The following CAD variants were observed in gnomAD, a reference collection of about 807,000 sequenced individuals.
CAD encodes carbamoyl-phosphate synthetase 2, aspartate transcarbamylase, and dihydroorotase, also known as multifunctional protein CAD.
Under a neutral mutation model 237.2 loss-of-function variants are expected in CAD, and 81 were observed. That is an observed-to-expected ratio of 0.34 (90% confidence interval 0.29 to 0.41). CAD has a LOEUF of 0.41. Ranked by LOEUF, CAD falls within the 10% of genes least tolerant of loss-of-function variation. The pLI is 1.00. For synonymous variants in CAD, 1,196 were observed against 1,162.8 expected (o/e 1.03, Z -0.58); for missense variants, 2,181 against 2,951.7 (o/e 0.74, Z 6.05).
At chr2:27,223,430 CAAA>C (rs71834349) in intron 6 of CAD, 130 bp from the exon 7 acceptor site, 923 of 621,812 alleles carry the variant, frequency 1.5e-3, no homozygotes, top group South Asian at 3.5e-3. Context: ...GACTCCGTCT[CAAA>C]AAAAAAAAAA....
intron 15 of CAD, among the ~76,000 whole-genome samples, chr2:27,229,229 G>A (rs775776088): frequency 5.9e-5 from 9 of 151,502 alleles, no homozygotes; most frequent in South Asian, 2.1e-4. Flanking sequence ...ACCCTGTCTC[G>A]TTAAAAAAGA....
chr2:27,234,488 A>C, intron 22 of CAD, 30 bp from the exon 23 acceptor site: 1 of 1,608,706 alleles, frequency 6.2e-7, no homozygotes, highest in Non-Finnish European at 8.5e-7. Context: ...GCCAACCTGC[A>C]GAAGGCCTGA....
chr2:27,219,463 C>A (rs184033718), intron 2 of CAD, among the ~76,000 whole-genome samples: 1 of 152,232 alleles, frequency 6.6e-6, no homozygotes, highest in African/African-American at 2.4e-5. Flanking sequence ...CCACCTCAAC[C>A]CCCCAAGTAG....
At chr2:27,223,471 A>G (rs1675282083) in intron 6 of CAD, 92 bp from the exon 7 acceptor site, 1 of 1,121,574 alleles carries the variant, frequency 8.9e-7, no homozygotes, top group African/African-American at 1.6e-5. Flanking sequence ...GAGTGAGGCT[A>G]CTGAGAACAG....
In CAD at chr2:27,235,687, G is replaced by T; in HGVS notation, c.4074+47G>T. 6.6e-7 allele frequency: 1 copy of T among 1,519,618 alleles called. No homozygotes were observed. Among genetic ancestry groups the T allele is most frequent in the South Asian group, 1.1e-5 (1 of 88,744 alleles). 94.1% of individuals were successfully genotyped at this position (1,519,618 alleles called of 1,614,324 possible). ...ACCCCACTGCTGCCCTTCCCCAAGG[G>T]GGTGAAAATACTGCACCAAAGAATT... is the stretch of plus-strand genomic sequence containing the variant. On this transcript the variant is annotated intron_variant, in intron 25 of 43. Coordinates refer to ENST00000264705, the MANE Select transcript of CAD (RefSeq NM_004341.5). This position sits in a 1 kb window ranked among gnomAD's most constrained non-coding sequence, Gnocchi z 5.2.
Position 27,235,989 on chromosome 2 carries a change from C to A in CAD, c.4075-295C>A. The stretch of plus-strand genomic sequence containing the variant: ...ATACACAGGAAGCAAAGAGAAAAGT[C>A]TCTTAAAATCTCTGTACCACTGTTC... On this transcript the variant is annotated intron_variant, in intron 25 of 43. Coordinates refer to ENST00000264705, the MANE Select transcript of CAD (RefSeq NM_004341.5). The surrounding 1 kb of genome is among the most constrained non-coding windows in gnomAD (Gnocchi z 5.2). 1 of 500,628 alleles carries A rather than the reference C, an allele frequency of 2.0e-6. No homozygotes were observed. 31.0% of individuals were successfully genotyped at this position (500,628 alleles called of 1,614,324 possible).
Position 27,222,993 on chromosome 2 carries a change from C to T in CAD, c.765C>T (p.His255=). 2 of 1,614,190 alleles carry T rather than the reference C, an allele frequency of 1.2e-6. No individual in the cohort carries two copies. Among genetic ancestry groups the T allele is most frequent in the Non-Finnish European group, 1.7e-6 (2 of 1,180,028 alleles). The change falls in exon 6 of 44, where the codon CAC becomes CAT. Residue 255 remains histidine, a synonymous_variant. Coordinates refer to ENST00000264705, the MANE Select transcript of CAD (RefSeq NM_004341.5). ...CTGTCTTTGGGATCTGCCTGGGACACCAGCTATTGGCCTTAGCCATTGGGG... is the reference window on the plus strand; with the variant it reads ...CTGTCTTTGGGATCTGCCTGGGACATCAGCTATTGGCCTTAGCCATTGGGG... ...PRPVFGICLG[H]QLLALAIGAK...
In CAD at chr2:27,235,203, C is replaced by T; in HGVS notation, c.3787-42C>T. 6.5e-7 allele frequency: 1 copy of T among 1,540,320 alleles called. No homozygotes were observed. The highest frequency in any genetic ancestry group is 8.8e-7 in the Non-Finnish European group (1 of 1,135,544). Reference sequence around the variant, plus strand: ...GTCTCTGCTGGTGAGGGAGGAGGTCCTCTCACACCTTGGCCCTCTCTCTTC... The same window carrying T: ...GTCTCTGCTGGTGAGGGAGGAGGTCTTCTCACACCTTGGCCCTCTCTCTTC... On this transcript the variant is annotated intron_variant, in intron 23 of 43. Coordinates refer to ENST00000264705, the MANE Select transcript of CAD (RefSeq NM_004341.5). This position sits in a 1 kb window ranked among gnomAD's most constrained non-coding sequence, Gnocchi z 5.2.
At chr2:27,228,153 G>T (rs1675533944) in intron 15 of CAD, among the ~76,000 whole-genome samples, 1 of 152,120 alleles carries the variant, frequency 6.6e-6, no homozygotes, top group Non-Finnish European at 1.5e-5. Flanking sequence ...AAATACTTAA[G>T]CCCCTAGAGT....
At chr2:27,218,157 C>A (rs1360486544) in intron 2 of CAD, 141 bp downstream of exon 2, 3 of 697,080 alleles carry the variant, frequency 4.3e-6, no homozygotes, top group Non-Finnish European at 6.8e-6. Flanking sequence ...GGACTAAGAT[C>A]ACTAGTAACT....
In CAD at chr2:27,224,717, G is replaced by A. The variant is rs190822986; in HGVS notation, c.1255-28G>A. On this transcript the variant is annotated intron_variant, in intron 9 of 43. Transcript: ENST00000264705. The stretch of plus-strand genomic sequence containing the variant: ...TTTGCAATTTTGCTTCTTCAGCAGA[G>A]GCTGAGATGCCATTCTTGTCCTTTT... The A allele has an allele frequency of 7.7e-5, 124 of 1,614,142 alleles. No homozygotes were observed. The African/African-American group carries it at 1.5e-3, about 20-fold the overall frequency.
At position 27,226,872 on chromosome 2, in the gene CAD, G is replaced by A. The variant is rs746384341; in HGVS notation, c.2197G>A (p.Val733Met). 1.4e-5 allele frequency: 22 copies of A among 1,614,170 alleles called. No individual in the cohort carries two copies. The East Asian group carries it at 4.0e-4, about 29-fold the overall frequency. The change falls in exon 15 of 44, where the codon GTG (valine) becomes ATG (methionine). Residue 733 changes from valine to methionine, a missense_variant. Val to Met is a conservative substitution (Grantham distance 21). This residue lies in a region of CAD where 385 missense variants were observed against 535.1 expected (regional missense o/e 0.72). Transcript: ENST00000264705. Reference protein sequence around the residue: ...TGGTAAFEPSVDYCVVKIPRW... With the variant: ...TGGTAAFEPSMDYCVVKIPRW... Reference sequence around the variant, plus strand: ...GGGTACAGCAGCCTTTGAACCCAGCGTGGATTATTGTGTGGTGAAGATTCC... The same window carrying A: ...GGGTACAGCAGCCTTTGAACCCAGCATGGATTATTGTGTGGTGAAGATTCC...
chr2:27,227,466 C>A (rs1675494924), intron 15 of CAD: 1 of 153,476 alleles, frequency 6.5e-6, no homozygotes, highest in South Asian at 2.0e-4. Flanking sequence ...ACAGCGCCAC[C>A]AGCCTGATGG....
chr2:27,231,955 C>T lies in CAD; in HGVS notation c.2401-25C>T, dbSNP rs550746527. 1.4e-4 allele frequency: 228 copies of T among 1,613,330 alleles called. 1 individual carries two copies. The Middle Eastern group carries it at 2.0e-3, about 14-fold the overall frequency. ...TTTTAGATGGGCTGGCAGTAGCTTC[C>T]GTCTGTCTACCCCCTTTCTATCAGG... On this transcript the variant is annotated intron_variant, in intron 16 of 43. Transcript: ENST00000264705.
At position 27,232,842 on chromosome 2, in the gene CAD, C is replaced by A; in HGVS notation, c.2892+148C>A. The A allele has an allele frequency of 2.0e-6, 2 of 984,978 alleles. No homozygotes were observed. Among genetic ancestry groups the A allele is most frequent in the Non-Finnish European group, 3.1e-6 (2 of 644,488 alleles). The allele number at this position is 984,978 out of a possible 1,614,324, so 61.0% of individuals were successfully genotyped here. A position where few individuals can be genotyped will look rare whatever the true frequency, so the allele number is the denominator to read the frequency against. ...GTGGGGGTCCTTTTAGGCCATCTCT[C>A]ATGCCCCACACGGTATATGAATCTC... On this transcript the variant is annotated intron_variant, in intron 18 of 43. Coordinates refer to ENST00000264705, the MANE Select transcript of CAD (RefSeq NM_004341.5). This position sits in a 1 kb window ranked among gnomAD's most constrained non-coding sequence, Gnocchi z 4.1.
In CAD at chr2:27,236,734, G is replaced by A; in HGVS notation, c.4315-15G>A. On this transcript the variant is annotated splice_polypyrimidine_tract_variant and intron_variant, in intron 26 of 43. Coordinates refer to ENST00000264705, the MANE Select transcript of CAD (RefSeq NM_004341.5). The surrounding 1 kb of genome is among the most constrained non-coding windows in gnomAD (Gnocchi z 4.1). ...GATCACCCTTCCCTTAAAGCTGACT[G>A]CTTTCCACTTGCAGGCCCTAGGCCA... 1 of 1,613,498 alleles carries A rather than the reference G, an allele frequency of 6.2e-7. No individual in the cohort carries two copies. Among genetic ancestry groups the A allele is most frequent in the South Asian group, 1.1e-5 (1 of 91,064 alleles).
chr2:27,236,222 A>G lies in CAD; in HGVS notation c.4075-62A>G, dbSNP rs1675994653. 6.3e-7 allele frequency: 1 copy of G among 1,589,288 alleles called. No homozygotes were observed. The highest frequency in any genetic ancestry group is 8.6e-7 in the Non-Finnish European group (1 of 1,166,460). On this transcript the variant is annotated intron_variant, in intron 25 of 43. Transcript: ENST00000264705. This position sits in a 1 kb window ranked among gnomAD's most constrained non-coding sequence, Gnocchi z 4.1. ...GCTCCTGGGCCAGCTCCTCTCCCTT[A>G]AGGCTAGCCTTCCTGACCGCTGCCA...
intron 2 of CAD, among the ~76,000 whole-genome samples, chr2:27,220,201 C>G (rs937739241): frequency 6.6e-6 from 1 of 152,018 alleles, no homozygotes; most frequent in African/African-American, 2.4e-5. Context: ...TTCTCTGTTT[C>G]GTGACAAAGA....
chr2:27,240,775 C>T lies in CAD; in HGVS notation c.5594-136C>T. ...CCCCAGAGCTGCTGCAGTCCCCTGC[C>T]CTCCCCTAACCTGCTATATTACTGT... On this transcript the variant is annotated intron_variant, in intron 35 of 43. Transcript: ENST00000264705. This position sits in a 1 kb window ranked among gnomAD's most constrained non-coding sequence, Gnocchi z 4.6. 1.7e-6 allele frequency: 2 copies of T among 1,167,674 alleles called. No individual in the cohort carries two copies. Among genetic ancestry groups the T allele is most frequent in the Non-Finnish European group, 2.5e-6 (2 of 807,168 alleles). 72.3% of individuals were successfully genotyped at this position (1,167,674 alleles called of 1,614,324 possible).
Sources: gnomAD v4.1 joint callset for allele counts (sites outside exome capture counted in the v4.1 genomes callset) on GRCh38, gnomAD v4.1.1 for gene constraint, gnomAD v4.1.1 regional missense constraint, Gnocchi (gnomAD v3.1) non-coding constraint, MANE v1.5 for transcripts, NCBI Gene and HGNC (gene_info 2026-07-23, HGNC 2026-07-21) for gene names.